Variants in C16orf89 observed in about 807,000 individuals in gnomAD.
C16orf89 encodes UPF0764 protein C16orf89.
In C16orf89, 57 loss-of-function variants were observed where a neutral mutation model predicts 41.5. That is an observed-to-expected ratio of 1.38 (90% CI 1.11 to 1.71). C16orf89 has a LOEUF of 1.71. C16orf89 is among the 40% of genes most tolerant of loss of function. The pLI is 0.00. For synonymous variants in C16orf89, 223 were observed against 190.6 expected (o/e 1.17, Z -1.40); for missense variants, 575 against 445.9 (o/e 1.29, Z -2.61).
chr16:5,060,945 C>CAT (rs1467598807), intron 2 of C16orf89, among the ~76,000 whole-genome samples: 27 of 93,502 alleles, frequency 2.9e-4, no homozygotes, highest in Non-Finnish European at 4.1e-4. Flanking sequence ...TATGATCAGC[C>CAT]TTTTTTTTTT....
chr16:5,062,287 T>G, intron 2 of C16orf89, 138 bp downstream of exon 2: 1 of 1,117,174 alleles, frequency 9.0e-7, no homozygotes, highest in Non-Finnish European at 1.2e-6. Flanking sequence ...GTCTGTGGCT[T>G]GCTCAGCAGA....
intron 7 of C16orf89, among the ~76,000 whole-genome samples, chr16:5,046,382 C>T (rs1446096652): frequency 6.6e-6 from 1 of 151,908 alleles, no homozygotes; most frequent in Non-Finnish European, 1.5e-5. Context: ...GACACAGTCT[C>T]ACTCTGTCAC....
At chr16:5,051,135 A>G (rs1287744491) in intron 6 of C16orf89, among the ~76,000 whole-genome samples, 1 of 152,216 alleles carries the variant, frequency 6.6e-6, no homozygotes, top group South Asian at 2.1e-4. Context: ...TCCTGTAAGA[A>G]CTGGAACAAC....
Position 5,062,462 on chromosome 16 carries a change from G to C in C16orf89, c.321C>G (p.Leu107=), listed in dbSNP as rs372991942. ...TGGGATCACTCAGCTTGAGGTAGTGGAGGGATCTCTGGATGGCAGCCTCCA... is the reference window on the plus strand; with the variant it reads ...TGGGATCACTCAGCTTGAGGTAGTGCAGGGATCTCTGGATGGCAGCCTCCA... The part of the protein sequence containing the change: ...EKLEAAIQRS[L]HYLKLSDPKY... Residue 107 remains leucine, a synonymous_variant, in exon 2 of 8, where the codon CTC becomes CTG. Transcript: ENST00000472572. 3.1e-6 allele frequency: 5 copies of C among 1,614,008 alleles called. No homozygotes were observed. The African/African-American group carries it at 4.0e-5, about 13-fold the overall frequency.
intron 7 of C16orf89, among the ~76,000 whole-genome samples, chr16:5,046,257 C>T (rs1956295006): frequency 6.6e-6 from 1 of 152,218 alleles, no homozygotes; most frequent in South Asian, 2.1e-4. Flanking sequence ...ATCATATACC[C>T]ACATATGTTG....
intron 6 of C16orf89, among the ~76,000 whole-genome samples, chr16:5,051,440 A>C (rs913120990): frequency 6.6e-6 from 1 of 152,192 alleles, no homozygotes; most frequent in Non-Finnish European, 1.5e-5. Flanking sequence ...TCAAGAATGT[A>C]ATCCTATTTA....
At chr16:5,053,357 G>A (rs1481627266) in intron 6 of C16orf89, among the ~76,000 whole-genome samples, 1 of 151,794 alleles carries the variant, frequency 6.6e-6, no homozygotes, top group African/African-American at 2.4e-5. Flanking sequence ...GTGACAGAGC[G>A]AGACTCCATC....
intron 2 of C16orf89, 72 bp from the exon 3 acceptor site, chr16:5,060,508 C>A: frequency 6.9e-7 from 1 of 1,452,968 alleles, no homozygotes; most frequent in Non-Finnish European, 9.4e-7. Context: ...CCTGGTGTCC[C>A]CACCTCCTCC....
intron 1 of C16orf89, among the ~76,000 whole-genome samples, 162 bp downstream of exon 1, chr16:5,065,539 C>T (rs1956721862): frequency 1.3e-5 from 2 of 152,228 alleles, no homozygotes; most frequent in South Asian, 4.1e-4. Context: ...TGGGCCACAG[C>T]CGCCAGGAAG....
intron 7 of C16orf89, among the ~76,000 whole-genome samples, chr16:5,046,814 C>A (rs1956306177): frequency 6.6e-6 from 1 of 152,056 alleles, no homozygotes; most frequent in African/African-American, 2.4e-5. Flanking sequence ...ATATCCTGTT[C>A]TCACTTTCTT....
rs28401183 is a variant in C16orf89 at position 5,044,571 on chromosome 16, G to A, written c.956-93C>T. On this transcript the variant is annotated intron_variant, in intron 7 of 7. Coordinates refer to ENST00000472572, the MANE Select transcript of C16orf89 (RefSeq NM_001098514.3). ...TTGAAAGTGCTTTTCAGCCAGACGC[G>A]GTGGCTCACACCTATAATCCCACAC... 4.5e-3 allele frequency: 6,938 copies of A among 1,552,504 alleles called. 232 individuals are homozygous for A. In the African/African-American group the frequency reaches 0.083, roughly 19 times the overall value.
Position 5,055,394 on chromosome 16 carries a change from C to T in C16orf89, c.764-44G>A, listed in dbSNP as rs769848009. The T allele has an allele frequency of 3.6e-5, 53 of 1,468,156 alleles. 1 individual carries two copies. In the South Asian group the frequency reaches 6.2e-4, roughly 17 times the overall value. The allele number at this position is 1,468,156 out of a possible 1,614,324, so 90.9% of individuals were successfully genotyped here. ...GCCCTCTGCAGGCCTGCCCCCCAGG[C>T]CCACCTCCTCCCACTCCCCAGGGCT... is the stretch of plus-strand genomic sequence containing the variant. On this transcript the variant is annotated intron_variant, in intron 5 of 7. Coordinates refer to ENST00000472572, the MANE Select transcript of C16orf89 (RefSeq NM_001098514.3).
At position 5,065,716 on chromosome 16, in the gene C16orf89, C is replaced by A. The variant is rs1359318954; in HGVS notation, c.193G>T (p.Val65Phe). Residue 65 changes from valine to phenylalanine, a missense_variant, in exon 1 of 8, where the codon GTC (valine) becomes TTC (phenylalanine). By Grantham distance (50) the Val-to-Phe change is conservative. Transcript: ENST00000472572. ...PEINLDGMVG[V>F]RVLEEQLKSV... ...GCTCACTCACCTTCCAGCACTCGGA[C>A]CCCCACCATGCCATCCAGGTTGATT... 1 of 1,613,382 alleles carries A rather than the reference C, an allele frequency of 6.2e-7. No homozygotes were observed. The highest frequency in any genetic ancestry group is 8.5e-7 in the Non-Finnish European group (1 of 1,179,398).
At chr16:5,065,569 C>G (rs1956722721) in intron 1 of C16orf89, 132 bp downstream of exon 1, 1 of 1,114,806 alleles carries the variant, frequency 9.0e-7, no homozygotes, top group East Asian at 2.6e-5. Context: ...CTGGCCTCCT[C>G]TCTCCTTATA....
chr16:5,056,563 G>A (rs1012830302), intron 4 of C16orf89, among the ~76,000 whole-genome samples: 2 of 152,136 alleles, frequency 1.3e-5, no homozygotes, highest in Non-Finnish European at 2.9e-5. Context: ...GGTGCTCTGT[G>A]ACCGATCGCG....
At chr16:5,059,172 A>T (rs2142656737) in intron 3 of C16orf89, among the ~76,000 whole-genome samples, 1 of 152,066 alleles carries the variant, frequency 6.6e-6, no homozygotes, top group East Asian at 2.0e-4. Flanking sequence ...AATCACTTGA[A>T]TCCGGGAGGC....
At chr16:5,053,676 C>T (rs756090995) in intron 6 of C16orf89, among the ~76,000 whole-genome samples, 8 of 151,936 alleles carry the variant, frequency 5.3e-5, no homozygotes, top group African/African-American at 9.7e-5. Flanking sequence ...CCCAAGTAGC[C>T]GGGACCATAG....
chr16:5,064,470 G>A (rs944788555), intron 1 of C16orf89, among the ~76,000 whole-genome samples: 2 of 152,212 alleles, frequency 1.3e-5, no homozygotes, highest in Non-Finnish European at 2.9e-5. Flanking sequence ...GTGCATGATC[G>A]TGTGATACTC....
chr16:5,050,883 C>A (rs960195010), intron 6 of C16orf89, among the ~76,000 whole-genome samples: 1 of 152,132 alleles, frequency 6.6e-6, no homozygotes, highest in Non-Finnish European at 1.5e-5. Flanking sequence ...TGGAGGGATG[C>A]AAGGATGGTT....
Sources: allele counts gnomAD v4.1 joint callset (sites outside exome capture counted in the v4.1 genomes callset), GRCh38; gene constraint gnomAD v4.1.1; transcripts MANE v1.5; gene names NCBI Gene and HGNC (gene_info 2026-07-23, HGNC 2026-07-21).